The following ROBO2 variants were observed in gnomAD, a reference collection of about 807,000 sequenced individuals.
The protein encoded by ROBO2 is roundabout homolog 2.
A neutral mutation model predicts 160.8 loss-of-function variants in ROBO2; 53 were observed. That is an observed-to-expected ratio of 0.33 (90% confidence interval 0.26 to 0.41). The LOEUF is 0.41. Ranked by LOEUF, ROBO2 falls within the 10% of genes least tolerant of loss-of-function variation. The pLI is 1.00. For missense variants in ROBO2, 1,577 were observed against 1,722.4 expected (o/e 0.92, Z 1.49); for synonymous variants, 664 against 611.7 (o/e 1.09, Z -1.26).
rs550067307 is a variant in ROBO2 at position 77,542,187 on chromosome 3, A to T, written c.935-4151A>T. ...TTTTCATTTAAAACCTCAAAAATAAATTCCTTCAGCTGATATCCCTTCACA... is the reference window on the plus strand; with the variant it reads ...TTTTCATTTAAAACCTCAAAAATAATTTCCTTCAGCTGATATCCCTTCACA... On this transcript the variant is annotated intron_variant, in intron 6 of 25. Coordinates refer to ENST00000461745, the Ensembl canonical transcript of ROBO2. Among the ~76,000 whole-genome samples the T allele has an allele frequency of 2.0e-5, 3 of 152,286 alleles. No individual in the cohort carries two copies. In the East Asian group the frequency reaches 5.8e-4, roughly 29 times the overall value.
At chr3:76,647,645 G>A (rs2091044115) in intron 2 of ROBO2, among the ~76,000 whole-genome samples, 1 of 152,070 alleles carries the variant, frequency 6.6e-6, no homozygotes, top group African/African-American at 2.4e-5. Context: ...CGGACTTAAT[G>A]GCTGTAATTT....
intron 6 of ROBO2, among the ~76,000 whole-genome samples, chr3:77,539,817 C>T (rs929043713): frequency 6.6e-6 from 1 of 152,082 alleles, no homozygotes; most frequent in African/African-American, 2.4e-5. Context: ...GAGCAAGTAC[C>T]TTAAATTGGA....
chr3:76,623,718 A>G (rs973402469), intron 2 of ROBO2, among the ~76,000 whole-genome samples: 5 of 152,206 alleles, frequency 3.3e-5, no homozygotes, highest in Admixed American at 6.5e-5. Context: ...TACCATTTGC[A>G]TTGAGTACCC....
intron 2 of ROBO2, among the ~76,000 whole-genome samples, chr3:77,336,978 T>C (rs1299997690): frequency 1.3e-5 from 2 of 152,142 alleles, no homozygotes; most frequent in Non-Finnish European, 2.9e-5. Context: ...ATGTCTGTAT[T>C]CAACAAATAT....
Position 76,644,967 on chromosome 3 carries a change from A to G in ROBO2, c.110-453047A>G, listed in dbSNP as rs75099191. Among the ~76,000 whole-genome samples the G allele has an allele frequency of 4.3e-3, 650 of 152,338 alleles. 3 individuals are homozygous for G. Among genetic ancestry groups the G allele is most frequent in the African/African-American group, 0.014 (598 of 41,570 alleles). The stretch of plus-strand genomic sequence containing the variant: ...CCATTTATGAGCAAACTGCCAATTA[A>G]AGAGGATTCGTCATATTTTAAGGGC... On this transcript the variant is annotated intron_variant, in intron 2 of 26. Coordinates refer to the ROBO2 transcript ENST00000487694.
chr3:76,082,012 C>T (rs1047690072), intron 2 of ROBO2, among the ~76,000 whole-genome samples: 3 of 151,986 alleles, frequency 2.0e-5, no homozygotes, highest in African/African-American at 4.8e-5. Context: ...TAATTGAGCC[C>T]CCAACCGTTA....
chr3:76,930,413 A>G (rs2077262754), intron 2 of ROBO2, among the ~76,000 whole-genome samples: 2 of 152,282 alleles, frequency 1.3e-5, no homozygotes, highest in East Asian at 3.9e-4. Context: ...ACTGTGCTAT[A>G]GAAAATTACC....
At chr3:76,195,706 A>G (rs1286144591) in intron 2 of ROBO2, among the ~76,000 whole-genome samples, 2 of 152,328 alleles carry the variant, frequency 1.3e-5, no homozygotes, top group East Asian at 1.9e-4. Flanking sequence ...GTCAAAGCCA[A>G]TAAGGAGAAG....
intron 1 of ROBO2, among the ~76,000 whole-genome samples, chr3:77,050,763 CAG>C (rs942090468): frequency 4.7e-5 from 7 of 149,794 alleles, no homozygotes; most frequent in African/African-American, 1.7e-4. Flanking sequence ...CCTGTAATCT[CAG>C]TACTTTGGGA....
intron 2 of ROBO2, among the ~76,000 whole-genome samples, chr3:76,653,268 T>C (rs896970901): frequency 2.6e-5 from 4 of 151,938 alleles, no homozygotes; most frequent in Non-Finnish European, 5.9e-5. Flanking sequence ...CACATGCTTA[T>C]AATTAGATAA....
At chr3:76,816,168 A>G (rs573455862) in intron 2 of ROBO2, among the ~76,000 whole-genome samples, 1 of 152,256 alleles carries the variant, frequency 6.6e-6, no homozygotes, top group Admixed American at 6.5e-5. Flanking sequence ...TGGGTGAACA[A>G]GTGCTGAGTA....
intron 2 of ROBO2, among the ~76,000 whole-genome samples, chr3:76,462,732 T>A (rs1169932334): frequency 6.6e-6 from 1 of 152,176 alleles, no homozygotes; most frequent in Non-Finnish European, 1.5e-5. Context: ...TAAGAATGTA[T>A]AAAAGTGCTA....
At chr3:76,405,184 A>G (rs1391210480) in intron 2 of ROBO2, among the ~76,000 whole-genome samples, 1 of 151,578 alleles carries the variant, frequency 6.6e-6, no homozygotes, top group East Asian at 1.9e-4. Context: ...GATTTAAATA[A>G]TAAGGTATGA....
Position 77,030,340 on chromosome 3 carries a change from G to A in ROBO2, c.110-67674G>A, listed in dbSNP as rs569663776. Among the ~76,000 whole-genome samples the A allele has an allele frequency of 9.9e-5, 15 of 152,258 alleles. No individual in the cohort carries two copies. The South Asian group carries it at 3.1e-3, about 32-fold the overall frequency. Reference sequence around the variant, plus strand: ...TTTAGATATACATGTATTTATTTGTGTGTGTGTACATATATAATATGCACT... The same window carrying A: ...TTTAGATATACATGTATTTATTTGTATGTGTGTACATATATAATATGCACT... On this transcript the variant is annotated intron_variant, in intron 2 of 26. Coordinates refer to the ROBO2 transcript ENST00000487694.
intron 2 of ROBO2, among the ~76,000 whole-genome samples, chr3:76,874,591 A>G (rs191294314): frequency 1.3e-5 from 2 of 152,356 alleles, no homozygotes; most frequent in African/African-American, 4.8e-5. Flanking sequence ...TTCATATCAA[A>G]GACTCAGGGG....
intron 2 of ROBO2, among the ~76,000 whole-genome samples, chr3:76,963,246 G>A (rs998421169): frequency 1.2e-4 from 18 of 151,874 alleles, no homozygotes; most frequent in African/African-American, 4.4e-4. Flanking sequence ...ATGGTTATTA[G>A]GATCAATTTT....
intron 2 of ROBO2, among the ~76,000 whole-genome samples, chr3:76,047,912 A>T (rs971191549): frequency 2.6e-5 from 4 of 152,216 alleles, no homozygotes; most frequent in African/African-American, 9.6e-5. Flanking sequence ...TATTGAAGTT[A>T]CAACTTTGGA....
intron 2 of ROBO2, among the ~76,000 whole-genome samples, chr3:76,196,408 A>G (rs1702263207): frequency 6.6e-6 from 1 of 152,142 alleles, no homozygotes; most frequent in African/African-American, 2.4e-5. Context: ...TGGGGGAGAG[A>G]GAAACACATA....
intron 5 of ROBO2, among the ~76,000 whole-genome samples, chr3:77,513,231 G>A (rs1190690393): frequency 4.0e-5 from 6 of 151,516 alleles, no homozygotes; most frequent in African/African-American, 1.5e-4. Context: ...ATTGTGGAAG[G>A]CTTGGGAGTC....
Sources: gnomAD v4.1 joint callset for allele counts (sites outside exome capture counted in the v4.1 genomes callset) on GRCh38, gnomAD v4.1.1 for gene constraint, MANE v1.5 for transcripts, NCBI Gene and HGNC (gene_info 2026-07-23, HGNC 2026-07-21) for gene names.